Variants in NRXN3 observed in about 807,000 individuals in gnomAD.
The protein encoded by NRXN3 is neurexin 3, also known as neurexin III.
A neutral mutation model predicts 137.6 loss-of-function variants in NRXN3; 32 were observed. That is an observed-to-expected ratio of 0.23 (90% CI 0.18 to 0.31). The LOEUF (loss-of-function observed/expected upper bound fraction) is 0.31. Among genes scored for constraint, NRXN3 ranks in the 10% least tolerant of loss-of-function variants. The probability of loss-of-function intolerance (pLI) is 1.00; values close to 1 mark genes in which losing one functional copy is unlikely to be tolerated. For synonymous variants in NRXN3, 798 were observed against 784.5 expected (o/e 1.02, Z -0.29); for missense variants, 1,574 against 2,062.5 (o/e 0.76, Z 4.59).
At chr14:79,161,147 T>C (rs2060730358) in intron 15 of NRXN3, among the ~76,000 whole-genome samples, 1 of 151,960 alleles carries the variant, frequency 6.6e-6, no homozygotes, top group Non-Finnish European at 1.5e-5. Context: ...ATTGAGAGAA[T>C]AACTTACCTC....
At chr14:78,267,078 T>C (rs1596542560) in intron 2 of NRXN3, among the ~76,000 whole-genome samples, 1 of 152,210 alleles carries the variant, frequency 6.6e-6, no homozygotes, top group Non-Finnish European at 1.5e-5. Flanking sequence ...CCCAGGCCCA[T>C]GTCTAGCTTC....
At chr14:78,493,560 AAAT>A (rs1237253969) in intron 4 of NRXN3, among the ~76,000 whole-genome samples, 2 of 150,772 alleles carry the variant, frequency 1.3e-5, no homozygotes, top group Admixed American at 6.6e-5. Context: ...ATAAATAAAT[AAAT>A]AAAAAGAATT....
intron 4 of NRXN3, among the ~76,000 whole-genome samples, chr14:78,355,055 A>G (rs1028009161): frequency 3.3e-5 from 5 of 152,082 alleles, no homozygotes; most frequent in African/African-American, 1.2e-4. Context: ...AACCCTCCCC[A>G]CCTTTTGAAA....
chr14:78,677,776 GT>G (rs1390370226), intron 6 of NRXN3, among the ~76,000 whole-genome samples: 1 of 152,118 alleles, frequency 6.6e-6, no homozygotes. Context: ...CTTCGTTGTT[GT>G]TTTATTTTAG....
chr14:78,849,231 C>T (rs914773227), intron 10 of NRXN3, among the ~76,000 whole-genome samples: 3 of 152,092 alleles, frequency 2.0e-5, no homozygotes, highest in African/African-American at 7.2e-5. Context: ...TTTTCCCAAT[C>T]TGTTCACTTG....
intron 4 of NRXN3, among the ~76,000 whole-genome samples, chr14:78,519,025 C>T (rs1019809190): frequency 6.6e-6 from 1 of 151,998 alleles, no homozygotes; most frequent in African/African-American, 2.4e-5. Context: ...AAGAAATATT[C>T]CTTTCAGATA....
intron 4 of NRXN3, among the ~76,000 whole-genome samples, chr14:78,425,634 T>C (rs528913366): frequency 6.6e-6 from 1 of 152,284 alleles, no homozygotes; most frequent in African/African-American, 2.4e-5. Flanking sequence ...AGAAACGTTC[T>C]TAGTAGCTTT....
At chr14:79,664,652 C>T (rs1054273818) in intron 17 of NRXN3, among the ~76,000 whole-genome samples, 7 of 152,070 alleles carry the variant, frequency 4.6e-5, no homozygotes, top group Admixed American at 2.0e-4. Context: ...TCAAGCACAA[C>T]GGGAGAAAAG....
At chr14:78,670,503 G>T (rs1053987656) in intron 6 of NRXN3, among the ~76,000 whole-genome samples, 1 of 152,156 alleles carries the variant, frequency 6.6e-6, no homozygotes, top group African/African-American at 2.4e-5. Context: ...TCTCAGCCTT[G>T]TTTTACCCAG....
chr14:78,621,164 A>AT (rs1469615002), intron 4 of NRXN3, among the ~76,000 whole-genome samples: 2 of 152,204 alleles, frequency 1.3e-5, no homozygotes, highest in African/African-American at 4.8e-5. Flanking sequence ...GGATATTTTG[A>AT]TGAAGCTCTG....
rs113327994 is a variant in NRXN3 at position 79,296,447 on chromosome 14, G to GA, written c.3263-170761dup. Among the ~76,000 whole-genome samples the GA allele has an allele frequency of 5.4e-3, 750 of 139,150 alleles. 3 individuals carry two copies. Among genetic ancestry groups the GA allele is most frequent in the African/African-American group, 9.1e-3 (349 of 38,390 alleles). The allele number at this position is 139,150 out of a possible 152,430, so 91.3% of individuals were successfully genotyped here. A position where few individuals can be genotyped will look rare whatever the true frequency, so the allele number is the denominator to read the frequency against. On this transcript the variant is annotated intron_variant, in intron 15 of 20. Coordinates refer to ENST00000335750, the MANE Select transcript of NRXN3 (RefSeq NM_001330195.2). The stretch of plus-strand genomic sequence containing the variant: ...AGGAGATGGGCTGAAATATACTTGG[G>GA]AAAAAAAAAAAAACCAGATGTTCCA...
intron 17 of NRXN3, among the ~76,000 whole-genome samples, chr14:79,683,172 G>A (rs963879460): frequency 6.6e-6 from 1 of 152,088 alleles, no homozygotes; most frequent in Non-Finnish European, 1.5e-5. Flanking sequence ...ACTAGTCTGG[G>A]AAAAGTGTCC....
At chr14:78,826,911 A>G (rs1206983015) in intron 10 of NRXN3, among the ~76,000 whole-genome samples, 2 of 152,180 alleles carry the variant, frequency 1.3e-5, no homozygotes, top group African/African-American at 4.8e-5. Context: ...CAATAGATAC[A>G]TGCTTTATTT....
rs116566953 is a variant in NRXN3 at position 79,183,822 on chromosome 14, A to G, written c.3262+195681A>G. Among the ~76,000 whole-genome samples, 259 of 152,348 alleles carry G rather than the reference A, an allele frequency of 1.7e-3. 1 individual carries two copies. Among genetic ancestry groups the G allele is most frequent in the African/African-American group, 6.1e-3 (252 of 41,582 alleles). The stretch of plus-strand genomic sequence containing the variant: ...GAAAGGATTCCAGCTTAACGTTTCA[A>G]TCCCACAAAGTTGACTTCCATAGCG... On this transcript the variant is annotated intron_variant, in intron 15 of 20. Transcript: ENST00000335750.
At chr14:78,316,950 G>C (rs933057917) in intron 4 of NRXN3, among the ~76,000 whole-genome samples, 7 of 152,100 alleles carry the variant, frequency 4.6e-5, no homozygotes, top group African/African-American at 7.2e-5. Context: ...TATTAGTCAG[G>C]GTTCTCCAGG....
At chr14:79,385,848 C>G (rs1256803883) in intron 15 of NRXN3, among the ~76,000 whole-genome samples, 2 of 152,118 alleles carry the variant, frequency 1.3e-5, no homozygotes, top group African/African-American at 2.4e-5. Flanking sequence ...GAACCAAAGA[C>G]AAAAACCACA....
intron 9 of NRXN3, among the ~76,000 whole-genome samples, chr14:78,805,457 T>C (rs1170125779): frequency 6.6e-6 from 1 of 151,934 alleles, no homozygotes; most frequent in African/African-American, 2.4e-5. Context: ...ACACAGCGTA[T>C]TGAGCAGCCT....
chr14:79,508,733 A>G (rs2096904147), intron 16 of NRXN3, among the ~76,000 whole-genome samples: 1 of 151,972 alleles, frequency 6.6e-6, no homozygotes, highest in Admixed American at 6.6e-5. Context: ...ACTCATGACT[A>G]TTTGTCATTT....
intron 17 of NRXN3, among the ~76,000 whole-genome samples, chr14:79,688,559 A>T (rs946500282): frequency 6.6e-6 from 1 of 152,172 alleles, no homozygotes; most frequent in Non-Finnish European, 1.5e-5. Context: ...TCTCACCTTA[A>T]AGAGGAATTG....
Sources: gnomAD v4.1 joint callset for allele counts (sites outside exome capture counted in the v4.1 genomes callset) on GRCh38, gnomAD v4.1.1 for gene constraint, MANE v1.5 for transcripts, NCBI Gene and HGNC (gene_info 2026-07-23, HGNC 2026-07-21) for gene names.